EYS: variants seen among roughly 807,000 people sequenced by gnomAD.
EYS encodes the protein protein eyes shut homolog.
EYS carries 250 observed loss-of-function variants against 282.1 expected under a neutral mutation model. The ratio of observed to expected loss-of-function variants is 0.89; its 90% confidence interval spans 0.80 to 0.98. The LOEUF is 0.98. Among genes scored for constraint, EYS ranks in the 50% least tolerant of loss-of-function variants. EYS has a pLI of 0.00. For missense variants in EYS, 4,016 were observed against 3,709.0 expected (o/e 1.08, Z -2.15); for synonymous variants, 1,355 against 1,282.9 (o/e 1.06, Z -1.20).
chr6:64,266,036 T>C (rs1767748914), intron 30 of EYS, among the ~76,000 whole-genome samples: 2 of 152,098 alleles, frequency 1.3e-5, no homozygotes, highest in Admixed American at 1.3e-4. Flanking sequence ...GACATGAAAA[T>C]TTACATTTTC....
At chr6:65,320,920 C>T (rs1434097929) in intron 11 of EYS, among the ~76,000 whole-genome samples, 3 of 152,202 alleles carry the variant, frequency 2.0e-5, no homozygotes, top group Non-Finnish European at 4.4e-5. Context: ...CTACAGCTTC[C>T]TGTGGAGTTG....
intron 31 of EYS, among the ~76,000 whole-genome samples, chr6:64,149,835 C>T (rs1289147791): frequency 6.6e-6 from 1 of 152,174 alleles, no homozygotes; most frequent in Non-Finnish European, 1.5e-5. Context: ...CTCTTACTAG[C>T]TGTGTGACAC....
intron 22 of EYS, among the ~76,000 whole-genome samples, chr6:64,711,739 G>A (rs559067181): frequency 1.3e-5 from 2 of 152,224 alleles, no homozygotes; most frequent in South Asian, 2.1e-4. Flanking sequence ...TTCTAAATAC[G>A]CTATGCTATT....
At chr6:64,033,625 T>C (rs1382516411) in intron 33 of EYS, among the ~76,000 whole-genome samples, 3 of 152,124 alleles carry the variant, frequency 2.0e-5, no homozygotes, top group Non-Finnish European at 4.4e-5. Flanking sequence ...CAAAATTTTT[T>C]ATCTATTTAA....
intron 22 of EYS, among the ~76,000 whole-genome samples, chr6:64,677,074 C>G (rs72884532): frequency 6.6e-6 from 1 of 152,130 alleles, no homozygotes; most frequent in African/African-American, 2.4e-5. Context: ...ACTCTAACAT[C>G]CATCTGTTAT....
intron 33 of EYS, among the ~76,000 whole-genome samples, chr6:64,028,963 C>A (rs1171977931): frequency 6.6e-6 from 1 of 152,190 alleles, no homozygotes. Flanking sequence ...CTGGCTTATC[C>A]TCACCCTAAG....
intron 14 of EYS, among the ~76,000 whole-genome samples, chr6:64,959,536 C>A (rs912907960): frequency 6.6e-5 from 10 of 152,092 alleles, no homozygotes; most frequent in African/African-American, 1.9e-4. Flanking sequence ...GGGTAAAATG[C>A]CCTAGGCAGA....
intron 2 of EYS, among the ~76,000 whole-genome samples, chr6:65,519,911 A>T: frequency 6.8e-6 from 1 of 146,060 alleles, no homozygotes. Context: ...TTTTGTAGAG[A>T]TGAGGTTTCA....
chr6:64,837,652 A>G (rs982112625), intron 19 of EYS, among the ~76,000 whole-genome samples: 8 of 141,424 alleles, frequency 5.7e-5, no homozygotes, highest in African/African-American at 1.8e-4. Flanking sequence ...TATATATGAT[A>G]TATGATATGT....
At chr6:64,768,630 A>G (rs1278080139) in intron 22 of EYS, among the ~76,000 whole-genome samples, 1 of 152,172 alleles carries the variant, frequency 6.6e-6, no homozygotes, top group Non-Finnish European at 1.5e-5. Context: ...TAGCTCTCTG[A>G]TAAATTGATA....
intron 35 of EYS, among the ~76,000 whole-genome samples, chr6:63,934,720 A>G (rs566550267): frequency 2.8e-4 from 38 of 136,810 alleles, no homozygotes; most frequent in Non-Finnish European, 2.2e-4. Flanking sequence ...GGACACAGGA[A>G]GGGGAGCATC....
intron 30 of EYS, among the ~76,000 whole-genome samples, chr6:64,296,045 A>G (rs1451493503): frequency 6.6e-6 from 1 of 152,238 alleles, no homozygotes; most frequent in Non-Finnish European, 1.5e-5. Context: ...AGATAGAGCA[A>G]TGAATGTTAA....
chr6:64,757,829 G>T lies in EYS; in HGVS notation c.3443+55549C>A, dbSNP rs1183883397. ...AGACGGAGTCTCGCTCTGTCGCCCA[G>T]GCAGAAGTGCACTGGCGCGATCTCG... On this transcript the variant is annotated intron_variant, in intron 22 of 42. Coordinates refer to ENST00000503581, the MANE Select transcript of EYS (RefSeq NM_001142800.2). Among the ~76,000 whole-genome samples the T allele has an allele frequency of 4.0e-5, 6 of 150,624 alleles. No homozygotes were observed. The East Asian group carries it at 1.2e-3, about 30-fold the overall frequency.
rs936615785 is a variant in EYS at position 63,957,636 on chromosome 6, A to G, written c.7055+26747T>C. ...ATTCTTTATTCAAACTATAAATCTG[A>G]AAAATCATTTATGCTACAGCGCCTA... On this transcript the variant is annotated intron_variant, in intron 35 of 42. Coordinates refer to ENST00000503581, the MANE Select transcript of EYS (RefSeq NM_001142800.2). Among the ~76,000 whole-genome samples the G allele has an allele frequency of 1.4e-5, 2 of 140,818 alleles. 1 individual carries two copies. The highest frequency in any genetic ancestry group is 1.5e-4 in the Admixed American group (2 of 13,046). The allele number at this position is 140,818 out of a possible 152,430, so 92.4% of individuals were successfully genotyped here.
At chr6:63,991,250 A>G (rs1195328726) in intron 34 of EYS, among the ~76,000 whole-genome samples, 1 of 151,706 alleles carries the variant, frequency 6.6e-6, no homozygotes, top group Non-Finnish European at 1.5e-5. Context: ...TTCCCTGTAC[A>G]AAAAGCCAGT....
intron 15 of EYS, among the ~76,000 whole-genome samples, chr6:64,918,117 A>T (rs367917635): frequency 6.6e-6 from 1 of 152,142 alleles, no homozygotes; most frequent in Non-Finnish European, 1.5e-5. Context: ...TAACATGAAC[A>T]TTACTAAACT....
intron 33 of EYS, among the ~76,000 whole-genome samples, chr6:64,050,166 C>T (rs1770760331): frequency 6.6e-6 from 1 of 152,146 alleles, no homozygotes; most frequent in Non-Finnish European, 1.5e-5. Context: ...TATCCACATC[C>T]ACATACATTC....
intron 31 of EYS, among the ~76,000 whole-genome samples, chr6:64,139,417 G>A (rs1385568921): frequency 1.3e-5 from 2 of 152,026 alleles, no homozygotes; most frequent in Admixed American, 6.6e-5. Context: ...ATGTTCAGCA[G>A]GTGGAGTTAG....
intron 31 of EYS, among the ~76,000 whole-genome samples, chr6:64,114,993 G>C (rs1773328194): frequency 6.6e-6 from 1 of 152,118 alleles, no homozygotes; most frequent in South Asian, 2.1e-4. Flanking sequence ...TTGATCATTG[G>C]AGCCACTGCC....
Sources: allele counts gnomAD v4.1 joint callset (sites outside exome capture counted in the v4.1 genomes callset), GRCh38; gene constraint gnomAD v4.1.1; transcripts MANE v1.5; gene names NCBI Gene and HGNC (gene_info 2026-07-23, HGNC 2026-07-21).